Variants in CCDC93 observed in about 807,000 individuals in gnomAD.
The protein encoded by CCDC93 is CCC complex scaffolding subunit CCDC93.
Under a neutral mutation model 108.2 loss-of-function variants are expected in CCDC93, and 61 were observed. The observed-to-expected ratio is 0.56, with a 90% CI of 0.46 to 0.70. The LOEUF (loss-of-function observed/expected upper bound fraction) is 0.70, where lower values mean the gene tolerates loss of function less well. Among genes scored for constraint, CCDC93 ranks in the 30% least tolerant of loss-of-function variants. The probability of loss-of-function intolerance (pLI) is 0.00; values close to 1 mark genes in which losing one functional copy is unlikely to be tolerated. For synonymous variants in CCDC93, 276 were observed against 260.4 expected (o/e 1.06, Z -0.58); for missense variants, 685 against 764.2 (o/e 0.90, Z 1.22).
intron 12 of CCDC93, among the ~76,000 whole-genome samples, chr2:117,954,812 G>A (rs1007730160): frequency 2.6e-5 from 4 of 152,146 alleles, no homozygotes; most frequent in Non-Finnish European, 5.9e-5. Context: ...GGATGATGGG[G>A]GTGGTTTACC....
At chr2:117,990,023 T>C (rs1390939003) in intron 6 of CCDC93, among the ~76,000 whole-genome samples, 8 of 152,330 alleles carry the variant, frequency 5.3e-5, no homozygotes, top group African/African-American at 1.9e-4. Context: ...TCTATTCTCA[T>C]ACAAAAGTCT....
intron 8 of CCDC93, 31 bp downstream of exon 8, chr2:117,977,963 T>C: frequency 6.2e-7 from 1 of 1,601,674 alleles, no homozygotes; most frequent in Non-Finnish European, 8.6e-7. Flanking sequence ...ATCTCTCAAG[T>C]ATTCTCTCTT....
intron 7 of CCDC93, among the ~76,000 whole-genome samples, chr2:117,982,909 A>C (rs77463214): frequency 0.093 from 14,189 of 152,208 alleles, 679 homozygotes; most frequent in South Asian, 0.15. Context: ...TGCTAGAGGG[A>C]GGGCTAGTGT....
intron 7 of CCDC93, among the ~76,000 whole-genome samples, chr2:117,980,262 AG>A (rs1680076703): frequency 2.0e-5 from 3 of 152,098 alleles, no homozygotes; most frequent in Non-Finnish European, 4.4e-5. Context: ...AACTAGTGGG[AG>A]GGTACTGTTT....
At chr2:117,964,305 C>T (rs1480830603) in intron 11 of CCDC93, among the ~76,000 whole-genome samples, 1 of 152,206 alleles carries the variant, frequency 6.6e-6, no homozygotes, top group Non-Finnish European at 1.5e-5. Context: ...AAAGGTGTTG[C>T]ATCCTCTGCA....
chr2:117,965,311 T>C (rs186276320), intron 11 of CCDC93, among the ~76,000 whole-genome samples: 4 of 152,208 alleles, frequency 2.6e-5, no homozygotes, highest in Admixed American at 1.3e-4. Context: ...GGCAGGATGA[T>C]AGGATTGGAA....
intron 3 of CCDC93, among the ~76,000 whole-genome samples, chr2:118,002,472 G>T (rs2104825371): frequency 6.6e-6 from 1 of 152,284 alleles, no homozygotes; most frequent in Non-Finnish European, 1.5e-5. Context: ...ACAGTGTCTG[G>T]TATCTGGAAA....
chr2:117,990,784 G>A (rs993138588), intron 6 of CCDC93, among the ~76,000 whole-genome samples: 1 of 151,946 alleles, frequency 6.6e-6, no homozygotes, highest in Non-Finnish European at 1.5e-5. Flanking sequence ...AGCAACAAAT[G>A]AGCAAGCAAC....
intron 1 of CCDC93, among the ~76,000 whole-genome samples, chr2:118,009,909 T>G (rs951773787): frequency 6.6e-6 from 1 of 152,072 alleles, no homozygotes. Flanking sequence ...TTTTGCTTTT[T>G]TTTTGTTTTT....
intron 13 of CCDC93, chr2:117,950,123 G>C (rs1679007439): frequency 2.0e-6 from 2 of 985,306 alleles, no homozygotes; most frequent in Non-Finnish European, 2.4e-6. Context: ...ACAGTAGGTA[G>C]ATCCCTTCCA....
intron 11 of CCDC93, among the ~76,000 whole-genome samples, chr2:117,966,050 G>C (rs530849058): frequency 1.3e-5 from 2 of 152,340 alleles, no homozygotes; most frequent in Non-Finnish European, 2.9e-5. Context: ...ATTAACAATT[G>C]ATTCTTTTGG....
At chr2:117,934,662 T>G (rs1020974761) in intron 22 of CCDC93, 3 of 152,246 alleles carry the variant, frequency 2.0e-5, no homozygotes, top group Non-Finnish European at 4.4e-5. Context: ...TGTAACAGGG[T>G]TTTTTATGAT....
At chr2:117,996,528 G>A (rs1436914254) in intron 4 of CCDC93, 166 bp from the exon 5 acceptor site, 2 of 548,112 alleles carry the variant, frequency 3.6e-6, no homozygotes, top group East Asian at 3.0e-5. Flanking sequence ...GCAACCAGCT[G>A]GGTATCCAAG....
intron 1 of CCDC93, chr2:118,012,368 C>T (rs1413374871): frequency 6.6e-6 from 1 of 152,138 alleles, no homozygotes; most frequent in African/African-American, 2.4e-5. Flanking sequence ...AGCTTCTGAA[C>T]TAAATGATGA....
intron 13 of CCDC93, 22 bp from the exon 14 acceptor site, chr2:117,949,417 T>C (rs769023435): frequency 1.3e-6 from 2 of 1,575,662 alleles, no homozygotes; most frequent in South Asian, 2.2e-5. Context: ...AATGAAGACA[T>C]GGTTGCTGGA....
chr2:117,958,304 A>G, intron 12 of CCDC93, 61 bp downstream of exon 12: 5 of 1,087,074 alleles, frequency 4.6e-6, no homozygotes, highest in Non-Finnish European at 5.7e-6. Context: ...CCGTTCTGGA[A>G]TCTCCTTTAA....
intron 23 of CCDC93, among the ~76,000 whole-genome samples, chr2:117,923,687 T>A (rs530036141): frequency 9.9e-6 from 1 of 100,732 alleles, no homozygotes; most frequent in East Asian, 3.0e-4. Context: ...CCTGCCTCTA[T>A]AGAGTCCACC....
chr2:117,953,999 T>C (rs888267752), intron 12 of CCDC93, among the ~76,000 whole-genome samples: 7 of 152,196 alleles, frequency 4.6e-5, no homozygotes, highest in Admixed American at 2.0e-4. Context: ...ACCAGATCTG[T>C]TGGTGCCTCG....
chr2:117,939,137 C>G lies in CCDC93; in HGVS notation c.1523-26G>C, dbSNP rs111399242. 3.5e-6 allele frequency: 5 copies of G among 1,431,944 alleles called. No homozygotes were observed. The African/African-American group carries it at 7.0e-5, about 20-fold the overall frequency. The allele number at this position is 1,431,944 out of a possible 1,614,324, so 88.7% of individuals were successfully genotyped here. ...CTGTAAAAGTAAAGAAATCAGCACA[C>G]GAATAAGAACAGGTATCAGAACACC... On this transcript the variant is annotated intron_variant, in intron 19 of 23. Coordinates refer to ENST00000376300, the MANE Select transcript of CCDC93 (RefSeq NM_019044.5).
Sources: allele counts gnomAD v4.1 joint callset (sites outside exome capture counted in the v4.1 genomes callset), GRCh38; gene constraint gnomAD v4.1.1; transcripts MANE v1.5; gene names NCBI Gene and HGNC (gene_info 2026-07-23, HGNC 2026-07-21).